Variants in PIN4 observed in about 807,000 individuals in gnomAD.
PIN4 encodes the protein peptidylprolyl cis/trans isomerase, NIMA-interacting 4, also known as peptidyl-prolyl cis-trans isomerase NIMA-interacting 4.
PIN4 carries 3 observed loss-of-function variants against 8.3 expected under a neutral mutation model. The ratio of observed to expected loss-of-function variants is 0.36; its 90% confidence interval spans 0.16 to 0.93. PIN4 has a LOEUF of 0.93. Among genes scored for constraint, PIN4 ranks in the 40% least tolerant of loss-of-function variants. The pLI is 0.44. For synonymous variants in PIN4, 18 were observed against 32.5 expected (o/e 0.55, Z 1.52); for missense variants, 75 against 100.6 (o/e 0.75, Z 1.09).
intron 1 of PIN4, among the ~76,000 whole-genome samples, chrX:72,182,488 G>T (rs780639064): frequency 1.4e-3 from 155 of 109,848 alleles, no homozygotes; most frequent in African/African-American, 4.8e-3. Context: ...AGGTTGCAAT[G>T]AACCGAGATC....
chrX:72,219,371 T>C (rs1324390902), intron 3 of PIN4, among the ~76,000 whole-genome samples: 1 of 108,496 alleles, frequency 9.2e-6, no homozygotes, highest in African/African-American at 3.4e-5. Flanking sequence ...CTGGCCAACA[T>C]GGTGAAACCC....
intron 3 of PIN4, chrX:72,239,048 G>C: frequency 1.6e-6 from 1 of 607,601 alleles, no homozygotes; most frequent in Non-Finnish European, 2.5e-6. Context: ...CCGTGGAGAG[G>C]GACACAGCCA....
chrX:72,241,510 C>T (rs2043048909), intron 3 of PIN4, among the ~76,000 whole-genome samples: 1 of 112,427 alleles, frequency 8.9e-6, no homozygotes, highest in African/African-American at 3.2e-5. Context: ...ATAATAAATA[C>T]ATTTCTATTG....
chrX:72,220,509 A>C (rs1222948686), intron 3 of PIN4, among the ~76,000 whole-genome samples: 2 of 111,437 alleles, frequency 1.8e-5, no homozygotes, highest in African/African-American at 6.5e-5. Context: ...ATAAACCACA[A>C]TTAACATCTC....
chrX:72,231,949 C>T (rs1368746024), intron 3 of PIN4, among the ~76,000 whole-genome samples: 1 of 110,605 alleles, frequency 9.0e-6, no homozygotes, highest in African/African-American at 3.3e-5. Context: ...TGCAATGGCT[C>T]ATGCCTGTAA....
intron 3 of PIN4, among the ~76,000 whole-genome samples, chrX:72,227,712 ACCC>A (rs2042961529): frequency 9.0e-6 from 1 of 111,424 alleles, no homozygotes. Flanking sequence ...TCCCAGTCCT[ACCC>A]CCAATTCCCC....
chrX:72,247,878 G>A (rs1372765200), intron 3 of PIN4, among the ~76,000 whole-genome samples: 1 of 111,749 alleles, frequency 8.9e-6, no homozygotes, highest in African/African-American at 3.2e-5. Flanking sequence ...ACCAGTCTGG[G>A]CCTCTGAAGG....
intron 3 of PIN4, 170 bp from the exon 4 acceptor site, chrX:72,197,198 A>G (rs2042771172): frequency 4.3e-6 from 2 of 468,571 alleles, no homozygotes; most frequent in Admixed American, 4.1e-5. Flanking sequence ...TTATGTGTTC[A>G]GTCTAGTTAG....
chrX:72,250,929 G>A (rs755464496), intron 3 of PIN4, among the ~76,000 whole-genome samples: 3 of 107,394 alleles, frequency 2.8e-5, no homozygotes, highest in Admixed American at 2.0e-4. Context: ...TAGTAGATAT[G>A]GGGGTTTTGT....
chrX:72,206,312 C>T, intron 3 of PIN4: 2 of 1,209,248 alleles, frequency 1.7e-6, no homozygotes, highest in Non-Finnish European at 2.2e-6. Flanking sequence ...TCTACACTTC[C>T]AAACCCCTTT....
chrX:72,200,676 GGTACAGAATAGT>G (rs982509333), downstream of PIN4, among the ~76,000 whole-genome samples: 5 of 111,737 alleles, frequency 4.5e-5, no homozygotes, highest in Admixed American at 4.8e-4. Flanking sequence ...TTTAAAATGA[GGTACAGAATAGT>G]GTACACAATA....
chrX:72,190,557 G>T (rs940931776), intron 2 of PIN4, among the ~76,000 whole-genome samples: 3 of 111,912 alleles, frequency 2.7e-5, no homozygotes, highest in African/African-American at 9.8e-5. Context: ...TAATAAGTAT[G>T]TAAATAAAGT....
chrX:72,257,649 A>C (rs1200128085), intron 3 of PIN4, among the ~76,000 whole-genome samples: 1 of 111,689 alleles, frequency 9.0e-6, no homozygotes. Context: ...AAAGGAGTTG[A>C]AGATGATCAA....
rs371560354 is a variant in PIN4 at position 72,196,856 on chromosome X, A to G, written c.189A>G (p.Arg63=). The G allele has an allele frequency of 8.3e-7, 1 of 1,202,662 alleles. No homozygotes were observed. The highest frequency in any genetic ancestry group is 1.8e-5 in the African/African-American group (1 of 56,969). ...EAMEKLKSGM[R]FNEVAAQYSE... ...TGGAAAAGTTAAAGTCTGGGATGAG[A>G]TTCAATGAAGTGGCCGCACAGTATA... Residue 63 remains arginine (R), a synonymous_variant, in exon 3 of 4, where the codon AGA becomes AGG. Transcript: ENST00000373669.
intron 3 of PIN4, among the ~76,000 whole-genome samples, chrX:72,250,015 C>T (rs73550788): frequency 0.08 from 8,738 of 109,343 alleles, 474 homozygotes; most frequent in South Asian, 0.22. Flanking sequence ...AATGTGCAGC[C>T]GGGGGTGAGA....
intron 1 of PIN4, among the ~76,000 whole-genome samples, chrX:72,183,170 C>G (rs1388736985): frequency 9.0e-6 from 1 of 111,487 alleles, no homozygotes; most frequent in Non-Finnish European, 1.9e-5. Flanking sequence ...GCTGGTCCTG[C>G]AGGGTAACAT....
chrX:72,203,257 ATTT>A (rs755993363), downstream of PIN4, among the ~76,000 whole-genome samples: 2 of 112,186 alleles, frequency 1.8e-5, no homozygotes, highest in African/African-American at 6.5e-5. Context: ...CATCTCTTCC[ATTT>A]GGGTGTTCCT....
intron 2 of PIN4, among the ~76,000 whole-genome samples, chrX:72,195,719 A>G (rs771160393): frequency 7.1e-5 from 8 of 111,950 alleles, no homozygotes; most frequent in South Asian, 3.7e-4. Context: ...CCGTTGGTCA[A>G]TGGTAGCTGC....
chrX:72,255,244 T>C (rs2043105279), intron 3 of PIN4, among the ~76,000 whole-genome samples: 2 of 106,090 alleles, frequency 1.9e-5, no homozygotes, highest in Non-Finnish European at 3.8e-5. Flanking sequence ...AACTCCAGCC[T>C]GGGCGACAGA....
Sources: gnomAD v4.1 joint callset for allele counts (sites outside exome capture counted in the v4.1 genomes callset) on GRCh38, gnomAD v4.1.1 for gene constraint, MANE v1.5 for transcripts, NCBI Gene and HGNC (gene_info 2026-07-23, HGNC 2026-07-21) for gene names.